Variants in ZNF385D observed in about 807,000 individuals in gnomAD.
The protein encoded by ZNF385D is zinc finger protein 659.
ZNF385D carries 15 observed loss-of-function variants against 35.8 expected under a neutral mutation model. That is an observed-to-expected ratio of 0.42 (90% CI 0.28 to 0.64). ZNF385D has a LOEUF of 0.64. ZNF385D is among the 30% of genes least tolerant of loss of function. The pLI, the probability that ZNF385D is intolerant of heterozygous loss-of-function variation, is 0.23. For missense variants in ZNF385D, 474 were observed against 494.6 expected (o/e 0.96, Z 0.39); for synonymous variants, 212 against 186.8 (o/e 1.13, Z -1.10).
At chr3:22,045,372 G>C (rs1297963996) in intron 3 of ZNF385D, among the ~76,000 whole-genome samples, 2 of 152,118 alleles carry the variant, frequency 1.3e-5, no homozygotes, top group Admixed American at 6.6e-5. Flanking sequence ...AGCTAAAGGA[G>C]AGGGGCTCTT....
chr3:22,261,310 T>C (rs748628768), intron 2 of ZNF385D, among the ~76,000 whole-genome samples: 15 of 151,922 alleles, frequency 9.9e-5, no homozygotes, highest in Non-Finnish European at 1.3e-4. Flanking sequence ...GTAAAAATGG[T>C]GCAGTATAAT....
chr3:21,806,494 C>T (rs1372822440), intron 3 of ZNF385D, among the ~76,000 whole-genome samples: 1 of 152,036 alleles, frequency 6.6e-6, no homozygotes, highest in African/African-American at 2.4e-5. Flanking sequence ...CGTGAGCCAC[C>T]GCGCCTGGCC....
At chr3:22,058,725 CA>C (rs1248711583) in intron 3 of ZNF385D, among the ~76,000 whole-genome samples, 1 of 152,096 alleles carries the variant, frequency 6.6e-6, no homozygotes, top group Admixed American at 6.6e-5. Context: ...TTTTTTATTG[CA>C]AATCTATACC....
intron 1 of ZNF385D, among the ~76,000 whole-genome samples, chr3:21,687,595 G>C (rs1010483757): frequency 6.6e-6 from 1 of 152,022 alleles, no homozygotes; most frequent in African/African-American, 2.4e-5. Flanking sequence ...AGGGTTCATA[G>C]TTTACATTAA....
At chr3:22,177,674 C>T (rs1162925724) in intron 2 of ZNF385D, among the ~76,000 whole-genome samples, 2 of 152,106 alleles carry the variant, frequency 1.3e-5, no homozygotes, top group Non-Finnish European at 2.9e-5. Context: ...TGTTGGTGTG[C>T]TGTAGCCATT....
At chr3:21,992,456 A>T (rs889007553) in intron 3 of ZNF385D, among the ~76,000 whole-genome samples, 2 of 152,172 alleles carry the variant, frequency 1.3e-5, no homozygotes, top group African/African-American at 4.8e-5. Context: ...TTATATTATC[A>T]TCATCCATCA....
intron 2 of ZNF385D, among the ~76,000 whole-genome samples, chr3:22,261,021 A>C (rs1053317249): frequency 2.0e-5 from 3 of 152,024 alleles, no homozygotes; most frequent in Non-Finnish European, 2.9e-5. Flanking sequence ...AAATGGGGAT[A>C]ATTATTTGAC....
intron 3 of ZNF385D, among the ~76,000 whole-genome samples, chr3:21,925,470 C>T (rs1355612208): frequency 6.6e-6 from 1 of 152,066 alleles, no homozygotes; most frequent in Non-Finnish European, 1.5e-5. Flanking sequence ...AAAATTAGCT[C>T]AAAATGAAAC....
rs1280548080 is a variant in ZNF385D at position 21,413,039 on chromosome 3, T to C, written c.*8175A>G. 1 of 152,020 alleles carries C rather than the reference T, an allele frequency of 6.6e-6. No homozygotes were observed. The highest frequency in any genetic ancestry group is 2.4e-5 in the African/African-American group (1 of 41,402). The allele number at this position is 152,020 out of a possible 1,614,324, so 9.4% of individuals were successfully genotyped here. Reference sequence around the variant, plus strand: ...CTTAATTATTATTATTATTACTTTTTTTCAAGAAAAAATAGTACTTTACTG... The same window carrying C: ...CTTAATTATTATTATTATTACTTTTCTTCAAGAAAAAATAGTACTTTACTG... On this transcript the variant is annotated 3_prime_UTR_variant, in exon 8 of 8. Coordinates refer to ENST00000281523, the MANE Select transcript of ZNF385D (RefSeq NM_024697.3).
chr3:22,330,814 C>G (rs950308795), intron 2 of ZNF385D, among the ~76,000 whole-genome samples: 6 of 152,302 alleles, frequency 3.9e-5, no homozygotes, highest in Middle Eastern at 6.8e-3. Context: ...GGCAGTGTGC[C>G]TGCCTTTACT....
chr3:21,876,783 G>A (rs1697996689), intron 3 of ZNF385D, among the ~76,000 whole-genome samples: 1 of 151,796 alleles, frequency 6.6e-6, no homozygotes, highest in Non-Finnish European at 1.5e-5. Context: ...CATCTAATGT[G>A]AAAATAACAT....
intron 3 of ZNF385D, among the ~76,000 whole-genome samples, chr3:21,842,110 GCTTT>G (rs1695720719): frequency 6.6e-6 from 1 of 151,734 alleles, no homozygotes; most frequent in Non-Finnish European, 1.5e-5. Flanking sequence ...TTTTAAAGCT[GCTTT>G]CTCTTTCAGA....
intron 3 of ZNF385D, among the ~76,000 whole-genome samples, chr3:21,997,864 C>CGT (rs1270956141): frequency 1.0e-4 from 11 of 105,976 alleles, no homozygotes; most frequent in African/African-American, 3.6e-4. Flanking sequence ...TTGGCGCGCG[C>CGT]GCGCGCGCGT....
intron 3 of ZNF385D, among the ~76,000 whole-genome samples, chr3:21,991,402 A>G (rs1326711591): frequency 6.6e-6 from 1 of 152,214 alleles, no homozygotes; most frequent in Non-Finnish European, 1.5e-5. Context: ...TTTTCTAAGT[A>G]TAAACTGGAA....
intron 3 of ZNF385D, among the ~76,000 whole-genome samples, chr3:21,815,882 A>G (rs1448014102): frequency 6.6e-6 from 1 of 152,214 alleles, no homozygotes; most frequent in Non-Finnish European, 1.5e-5. Context: ...AACAAAAAAA[A>G]GAGAATTTTA....
At chr3:22,038,460 A>G (rs908947170) in intron 3 of ZNF385D, among the ~76,000 whole-genome samples, 8 of 152,136 alleles carry the variant, frequency 5.3e-5, no homozygotes, top group African/African-American at 1.9e-4. Flanking sequence ...ATTAAATGAT[A>G]TATGCAATAG....
In ZNF385D at chr3:22,298,560, T is replaced by TAC. The variant is rs758306222; in HGVS notation, c.106+73888_106+73889dup. 4.4e-3 allele frequency among the ~76,000 whole-genome samples: 624 copies of TAC among 142,838 alleles called. 3 individuals carry two copies. Among genetic ancestry groups the TAC allele is most frequent in the African/African-American group, 0.014 (545 of 38,760 alleles). The allele number at this position is 142,838 out of a possible 152,430, so 93.7% of individuals were successfully genotyped here. A position where few individuals can be genotyped will look rare whatever the true frequency, so the allele number is the denominator to read the frequency against. On this transcript the variant is annotated intron_variant, in intron 2 of 5. Coordinates refer to the ZNF385D transcript ENST00000494108. ...TAAAACATTTATGTATATACACACA[T>TAC]ACACACACACACACATATATGTATG...
chr3:22,317,789 G>A (rs990130483), intron 2 of ZNF385D, among the ~76,000 whole-genome samples: 2 of 152,132 alleles, frequency 1.3e-5, no homozygotes, highest in Admixed American at 6.6e-5. Context: ...GGCTGGGCAT[G>A]GTGACTCACT....
chr3:21,482,187 G>A (rs1704675672), intron 4 of ZNF385D, among the ~76,000 whole-genome samples: 1 of 152,110 alleles, frequency 6.6e-6, no homozygotes, highest in South Asian at 2.1e-4. Flanking sequence ...AAAAACTCAT[G>A]GGCTAGGACA....
Sources: gnomAD v4.1 joint callset for allele counts (sites outside exome capture counted in the v4.1 genomes callset) on GRCh38, gnomAD v4.1.1 for gene constraint, MANE v1.5 for transcripts, NCBI Gene and HGNC (gene_info 2026-07-23, HGNC 2026-07-21) for gene names.